Variants in KPNA4 observed in about 807,000 individuals in gnomAD.
The protein encoded by KPNA4 is karyopherin subunit alpha 4.
Under a neutral mutation model 71.3 loss-of-function variants are expected in KPNA4, and 13 were observed. The observed-to-expected ratio is 0.18, with a 90% CI of 0.12 to 0.29. The LOEUF (loss-of-function observed/expected upper bound fraction) is 0.29. Ranked by LOEUF, KPNA4 falls within the 10% of genes least tolerant of loss-of-function variation. The pLI is 1.00. For synonymous variants in KPNA4, 189 were observed against 195.2 expected (o/e 0.97, Z 0.26); for missense variants, 334 against 603.2 (o/e 0.55, Z 4.67).
chr3:160,552,283 T>C (rs1025485754), intron 1 of KPNA4, among the ~76,000 whole-genome samples: 1 of 152,212 alleles, frequency 6.6e-6, no homozygotes, highest in Non-Finnish European at 1.5e-5. Flanking sequence ...ACTTAAAAAT[T>C]CTGACTTCAT....
chr3:160,515,803 CAG>C (rs1308267261), intron 11 of KPNA4, among the ~76,000 whole-genome samples: 3 of 152,106 alleles, frequency 2.0e-5, no homozygotes, highest in African/African-American at 4.8e-5. Flanking sequence ...TTTGTAGAGA[CAG>C]AGTTTCACCA....
intron 15 of KPNA4, among the ~76,000 whole-genome samples, 192 bp downstream of exon 15, chr3:160,507,915 T>C (rs972034713): frequency 5.3e-5 from 8 of 152,252 alleles, no homozygotes; most frequent in Non-Finnish European, 7.3e-5. Context: ...GTTCAATATA[T>C]GGCAGCAATT....
In KPNA4 at chr3:160,508,176, G is replaced by C. The variant is rs761722683; in HGVS notation, c.1303C>G (p.Leu435Val). The C allele has an allele frequency of 3.1e-6, 5 of 1,611,314 alleles. No individual in the cohort carries two copies. In the East Asian group the frequency reaches 1.1e-4, roughly 36 times the overall value. Residue 435 changes from leucine to valine, a missense_variant, in exon 15 of 17, where the codon CTA (leucine) becomes GTA (valine). Leu to Val is a conservative substitution (Grantham distance 32, BLOSUM62 1). Transcript: ENST00000334256. ...TCAGCCATTTTTAATATATTACTTA[G>C]TCCATCGAGTACTACTTGCACAACT... ...AQVVQVVLDG[L>V]SNILKMAEDE...
intron 11 of KPNA4, among the ~76,000 whole-genome samples, chr3:160,520,543 G>T (rs1721324795): frequency 6.6e-6 from 1 of 151,870 alleles, no homozygotes; most frequent in Non-Finnish European, 1.5e-5. Context: ...TTTCAGGCGT[G>T]AGCCACCATG....
chr3:160,539,483 C>T (rs1348397696), intron 1 of KPNA4, among the ~76,000 whole-genome samples: 2 of 152,162 alleles, frequency 1.3e-5, no homozygotes, highest in African/African-American at 4.8e-5. Context: ...AGGATTACAA[C>T]CCAGACAGTC....
intron 15 of KPNA4, among the ~76,000 whole-genome samples, chr3:160,507,894 T>C (rs1328088500): frequency 6.6e-6 from 1 of 152,222 alleles, no homozygotes; most frequent in Non-Finnish European, 1.5e-5. Context: ...CAGTAACTTA[T>C]CACAGTGCCT....
At chr3:160,519,877 G>C (rs1389626148) in intron 11 of KPNA4, among the ~76,000 whole-genome samples, 4 of 150,396 alleles carry the variant, frequency 2.7e-5, no homozygotes, top group Non-Finnish European at 4.4e-5. Flanking sequence ...TCTGGAATTT[G>C]TATCAAAATA....
chr3:160,557,088 G>A (rs1163642776), intron 1 of KPNA4, among the ~76,000 whole-genome samples: 2 of 152,094 alleles, frequency 1.3e-5, no homozygotes, highest in African/African-American at 2.4e-5. Flanking sequence ...AAAAGAGCTG[G>A]AGAATATTTG....
intron 13 of KPNA4, among the ~76,000 whole-genome samples, chr3:160,513,599 A>T (rs1353578852): frequency 6.6e-6 from 1 of 152,046 alleles, no homozygotes; most frequent in African/African-American, 2.4e-5. Flanking sequence ...TTTCTCCCAA[A>T]TGCTAATATG....
intron 1 of KPNA4, among the ~76,000 whole-genome samples, chr3:160,540,182 G>A (rs957598732): frequency 6.6e-6 from 1 of 151,670 alleles, no homozygotes; most frequent in Non-Finnish European, 1.5e-5. Context: ...TGTGTTTTTA[G>A]TAGAGATGGG....
chr3:160,553,937 GCTGA>G (rs1167629373), intron 1 of KPNA4, among the ~76,000 whole-genome samples: 1 of 152,188 alleles, frequency 6.6e-6, no homozygotes, highest in African/African-American at 2.4e-5. Flanking sequence ...CCAGCTTAAG[GCTGA>G]CTGAGAGATC....
At position 160,535,576 on chromosome 3, in the gene KPNA4, T is replaced by C. The variant is rs772148403; in HGVS notation, c.235-11A>G. The C allele has an allele frequency of 2.5e-6, 4 of 1,586,984 alleles. No homozygotes were observed. In the South Asian group the frequency reaches 4.6e-5, roughly 18 times the overall value. On this transcript the variant is annotated splice_polypyrimidine_tract_variant and intron_variant, in intron 4 of 16. Transcript: ENST00000334256. ...ATCACTTGAAGCATTCTATAAAAAA[T>C]AAAATAATTTATGATGTAAATATAT...
At chr3:160,516,166 T>C (rs942859546) in intron 11 of KPNA4, among the ~76,000 whole-genome samples, 2 of 151,510 alleles carry the variant, frequency 1.3e-5, no homozygotes, top group Non-Finnish European at 2.9e-5. Context: ...CTGTAATTTT[T>C]TTTTTAGGAG....
At chr3:160,511,870 A>T (rs1298386827) in intron 13 of KPNA4, among the ~76,000 whole-genome samples, 1 of 151,992 alleles carries the variant, frequency 6.6e-6, no homozygotes, top group African/African-American at 2.4e-5. Flanking sequence ...AAATGTAAGA[A>T]AAATAAGTAA....
chr3:160,551,352 A>G (rs375740686), intron 1 of KPNA4, among the ~76,000 whole-genome samples: 1 of 152,220 alleles, frequency 6.6e-6, no homozygotes, highest in East Asian at 1.9e-4. Context: ...ATATCAGAAT[A>G]TAGGTACATA....
Position 160,515,527 on chromosome 3 carries a change from T to G in KPNA4, c.957A>C (p.Thr319=), listed in dbSNP as rs759134292. Residue 319 remains threonine, a synonymous_variant, in exon 12 of 17, where the codon ACA becomes ACC. Coordinates refer to ENST00000334256, the MANE Select transcript of KPNA4 (RefSeq NM_002268.5). The part of the protein sequence containing the change: ...GNIVTGTDEQ[T]QVVLNCDALS... ...GAGCATCACAGTTCAAAACTACTTG[T>G]GTTTGCTCATCAGTTCCAGTAACAA... 47 of 1,613,762 alleles carry G rather than the reference T, an allele frequency of 2.9e-5. No homozygotes were observed. The highest frequency in any genetic ancestry group is 3.9e-5 in the Non-Finnish European group (46 of 1,179,798).
rs1384576127 is a variant in KPNA4, at chr3:160,497,945, C to G, written c.*4159G>C. ...GGCAAGCTTCTATAACAATGTTACC[C>G]ATTCCTTAGTAAACAAAAAAAATAT... On this transcript the variant is annotated 3_prime_UTR_variant, in exon 17 of 17. Coordinates refer to ENST00000334256, the MANE Select transcript of KPNA4 (RefSeq NM_002268.5). 1 of 152,164 alleles carries G rather than the reference C, an allele frequency of 6.6e-6. No individual in the cohort carries two copies. Among genetic ancestry groups the G allele is most frequent in the Non-Finnish European group, 1.5e-5 (1 of 68,046 alleles). 9.4% of individuals were successfully genotyped at this position (152,164 alleles called of 1,614,324 possible).
At chr3:160,548,741 G>A (rs148727678) in intron 1 of KPNA4, among the ~76,000 whole-genome samples, 29 of 152,184 alleles carry the variant, frequency 1.9e-4, no homozygotes, top group Admixed American at 7.2e-4. Context: ...TGCAAATGCT[G>A]CTACTATAAA....
intron 1 of KPNA4, among the ~76,000 whole-genome samples, chr3:160,544,648 G>A (rs1464410004): frequency 1.3e-5 from 2 of 152,102 alleles, no homozygotes; most frequent in Non-Finnish European, 2.9e-5. Flanking sequence ...TCAACTCATG[G>A]GAAAAGACAC....
Sources: gnomAD v4.1 joint callset for allele counts (sites outside exome capture counted in the v4.1 genomes callset) on GRCh38, gnomAD v4.1.1 for gene constraint, MANE v1.5 for transcripts, NCBI Gene and HGNC (gene_info 2026-07-23, HGNC 2026-07-21) for gene names.